ZNF385D: variants seen among roughly 807,000 people sequenced by gnomAD.
ZNF385D encodes the protein zinc finger protein 385D, also known as zinc finger protein 659.
Under a neutral mutation model 35.8 loss-of-function variants are expected in ZNF385D, and 15 were observed. The observed-to-expected ratio is 0.42, with a 90% confidence interval of 0.28 to 0.64. The LOEUF is 0.64. Among genes scored for constraint, ZNF385D ranks in the 30% least tolerant of loss-of-function variants. ZNF385D has a pLI of 0.23. For missense variants in ZNF385D, 474 were observed against 494.6 expected, an observed-to-expected ratio of 0.96 and a Z score of 0.39; for synonymous variants, 212 against 186.8, an observed-to-expected ratio of 1.13 and a Z score of -1.10.
At chr3:21,725,269 A>G (rs1432552190) in intron 1 of ZNF385D, among the ~76,000 whole-genome samples, 1 of 152,204 alleles carries the variant, frequency 6.6e-6, no homozygotes, top group Non-Finnish European at 1.5e-5. Context: ...CACAATTAAA[A>G]GAACTAGAGA....
intron 3 of ZNF385D, among the ~76,000 whole-genome samples, chr3:21,950,277 T>C (rs555308854): frequency 6.6e-6 from 1 of 151,962 alleles, no homozygotes; most frequent in African/African-American, 2.4e-5. Context: ...TATCTCATTG[T>C]GGTTTTGATT....
intron 3 of ZNF385D, among the ~76,000 whole-genome samples, chr3:21,760,684 C>G (rs2070564955): frequency 6.6e-6 from 1 of 152,142 alleles, no homozygotes; most frequent in Admixed American, 6.6e-5. Flanking sequence ...AGTGCACTAT[C>G]AAGAGCAGTA....
intron 3 of ZNF385D, among the ~76,000 whole-genome samples, chr3:22,085,831 T>C (rs2593320): frequency 0.62 from 94,075 of 152,012 alleles, 29,743 homozygotes; most frequent in Non-Finnish European, 0.68. Context: ...CCGAATCCAG[T>C]AGCACATCAA....
intron 2 of ZNF385D, among the ~76,000 whole-genome samples, chr3:22,331,875 T>C (rs1471088230): frequency 6.6e-6 from 1 of 152,206 alleles, no homozygotes; most frequent in Admixed American, 6.5e-5. Context: ...AGGTAATTTC[T>C]ATAGTAACTT....
chr3:22,308,230 T>A (rs1047090049), intron 2 of ZNF385D, among the ~76,000 whole-genome samples: 1 of 152,136 alleles, frequency 6.6e-6, no homozygotes, highest in Non-Finnish European at 1.5e-5. Context: ...CTAAGTTGCA[T>A]TTTATTCTTC....
intron 3 of ZNF385D, among the ~76,000 whole-genome samples, chr3:21,881,797 G>A (rs1477619075): frequency 6.6e-6 from 1 of 151,938 alleles, no homozygotes; most frequent in Non-Finnish European, 1.5e-5. Context: ...CATGGGAGCA[G>A]GTAAAAATAT....
intron 3 of ZNF385D, among the ~76,000 whole-genome samples, chr3:22,160,797 C>T (rs1705901140): frequency 6.6e-6 from 1 of 152,008 alleles, no homozygotes; most frequent in Non-Finnish European, 1.5e-5. Flanking sequence ...TAAATTAACC[C>T]AAATATGACA....
intron 3 of ZNF385D, among the ~76,000 whole-genome samples, chr3:21,875,201 G>C (rs1697899562): frequency 6.6e-6 from 1 of 151,970 alleles, no homozygotes; most frequent in Admixed American, 6.6e-5. Context: ...TAGAAACAGA[G>C]ATAATTTTAC....
chr3:21,674,733 A>G (rs1167975437), intron 1 of ZNF385D, among the ~76,000 whole-genome samples: 1 of 152,078 alleles, frequency 6.6e-6, no homozygotes, highest in Non-Finnish European at 1.5e-5. Flanking sequence ...TGGCCTGCAC[A>G]GGCTTCCTTC....
intron 1 of ZNF385D, among the ~76,000 whole-genome samples, chr3:21,746,082 C>T (rs1446930360): frequency 6.6e-6 from 1 of 152,176 alleles, no homozygotes; most frequent in African/African-American, 2.4e-5. Flanking sequence ...CACCAACCAA[C>T]ACATCTTGTC....
intron 2 of ZNF385D, among the ~76,000 whole-genome samples, chr3:21,658,968 G>T (rs79795640): frequency 7.2e-5 from 11 of 152,010 alleles, no homozygotes; most frequent in Non-Finnish European, 1.2e-4. Context: ...TGATAGAAGA[G>T]AATGTTTAAA....
chr3:21,905,789 A>C (rs746294935), intron 3 of ZNF385D, among the ~76,000 whole-genome samples: 1 of 152,004 alleles, frequency 6.6e-6, no homozygotes, highest in Non-Finnish European at 1.5e-5. Flanking sequence ...CCTTTGTCTG[A>C]TAGAGGCAGA....
chr3:21,918,660 A>G (rs564239830), intron 3 of ZNF385D, among the ~76,000 whole-genome samples: 1 of 152,346 alleles, frequency 6.6e-6, no homozygotes, highest in Non-Finnish European at 1.5e-5. Flanking sequence ...AGAAACAACA[A>G]TAAATTATTC....
intron 1 of ZNF385D, among the ~76,000 whole-genome samples, chr3:21,670,101 T>C (rs1010636483): frequency 6.6e-6 from 1 of 152,132 alleles, no homozygotes; most frequent in Non-Finnish European, 1.5e-5. Context: ...CTGTTAAATA[T>C]TCATGCCAAT....
intron 3 of ZNF385D, among the ~76,000 whole-genome samples, chr3:21,961,177 G>C (rs914254256): frequency 6.6e-6 from 1 of 151,964 alleles, no homozygotes; most frequent in African/African-American, 2.4e-5. Flanking sequence ...TCTGTATGCC[G>C]TAAGTATGTG....
intron 2 of ZNF385D, among the ~76,000 whole-genome samples, chr3:22,219,661 T>G (rs1207747343): frequency 6.6e-6 from 1 of 152,174 alleles, no homozygotes; most frequent in Non-Finnish European, 1.5e-5. Context: ...GAGATACACA[T>G]AGCATTTATA....
intron 3 of ZNF385D, among the ~76,000 whole-genome samples, chr3:21,822,840 G>A (rs1413067303): frequency 6.6e-6 from 1 of 151,938 alleles, no homozygotes; most frequent in African/African-American, 2.4e-5. Context: ...AATGCATGTG[G>A]AATCTTACTG....
rs558647037 is a variant in ZNF385D, at chr3:21,415,093, T to C, written c.*6121A>G. 4.9e-4 allele frequency: 74 copies of C among 152,294 alleles called. No individual in the cohort carries two copies. The highest frequency in any genetic ancestry group is 1.7e-3 in the African/African-American group (71 of 41,578). The allele number at this position is 152,294 out of a possible 1,614,324, so 9.4% of individuals were successfully genotyped here. A position where few individuals can be genotyped will look rare whatever the true frequency, so the allele number is the denominator to read the frequency against. On this transcript the variant is annotated 3_prime_UTR_variant, in exon 8 of 8. Coordinates refer to ENST00000281523, the MANE Select transcript of ZNF385D (RefSeq NM_024697.3). ...TAACAAAATTTAACACACTTCACTATAGCTTTAAAACTCTCTGACATCATT... is the reference window on the plus strand; with the variant it reads ...TAACAAAATTTAACACACTTCACTACAGCTTTAAAACTCTCTGACATCATT...
chr3:21,886,367 G>GT, intron 3 of ZNF385D, among the ~76,000 whole-genome samples: 1 of 64,154 alleles, frequency 1.6e-5, no homozygotes, highest in South Asian at 7.0e-4. Flanking sequence ...TAATGAGGAA[G>GT]AAAAAAAAAA....
Sources: allele counts gnomAD v4.1 joint callset (sites outside exome capture counted in the v4.1 genomes callset), GRCh38; gene constraint gnomAD v4.1.1; transcripts MANE v1.5; gene names NCBI Gene and HGNC (gene_info 2026-07-23, HGNC 2026-07-21).